GNA12: variants seen among roughly 807,000 people sequenced by gnomAD.
The protein encoded by GNA12 is guanine nucleotide-binding protein subunit alpha-12.
Under a neutral mutation model 26.0 loss-of-function variants are expected in GNA12, and 9 were observed. That is an observed-to-expected ratio of 0.35 (90% confidence interval 0.21 to 0.60). The LOEUF (loss-of-function observed/expected upper bound fraction) is 0.60. Among genes scored for constraint, GNA12 ranks in the 20% least tolerant of loss-of-function variants. GNA12 has a pLI of 0.78. For missense variants in GNA12, 405 were observed against 525.8 expected, an observed-to-expected ratio of 0.77 and a Z score of 2.25; for synonymous variants, 264 against 219.6, an observed-to-expected ratio of 1.20 and a Z score of -1.79.
intron 2 of GNA12, among the ~76,000 whole-genome samples, chr7:2,737,760 T>A (rs138465798): frequency 2.0e-5 from 3 of 152,396 alleles, no homozygotes; most frequent in East Asian, 3.9e-4. Context: ...CTGCTGTGTA[T>A]GAAAAGTAAC....
intron 2 of GNA12, among the ~76,000 whole-genome samples, chr7:2,753,903 G>A (rs1305969852): frequency 1.3e-5 from 2 of 152,068 alleles, no homozygotes; most frequent in African/African-American, 4.8e-5. Context: ...TCTCAATGTG[G>A]CAGGGAGAGC....
intron 2 of GNA12, among the ~76,000 whole-genome samples, chr7:2,733,754 G>A (rs1046729729): frequency 6.6e-6 from 1 of 152,260 alleles, no homozygotes; most frequent in Non-Finnish European, 1.5e-5. Flanking sequence ...TCGCTGCTGG[G>A]TTTTGGTGTG....
rs371474667 is a variant in GNA12, at chr7:2,731,616, C to A, written c.711G>T (p.Lys237Asn). ...DVGGQRSQRQ[K>N]WFQCFDGITS... Reference sequence around the variant, plus strand: ...TGATCCCGTCGAAGCACTGGAACCACTTCTGGCGCTGGGACCGCTGGCCGC... The same window carrying A: ...TGATCCCGTCGAAGCACTGGAACCAATTCTGGCGCTGGGACCGCTGGCCGC... The change falls in exon 4 of 4, where the codon AAG (lysine) becomes AAT (asparagine). Residue 237 changes from lysine (K) to asparagine (N), a missense_variant. Lys to Asn is a moderately conservative substitution (Grantham distance 94). Coordinates refer to ENST00000275364, the MANE Select transcript of GNA12 (RefSeq NM_007353.3). This position sits in a 1 kb window ranked among gnomAD's most constrained non-coding sequence, Gnocchi z 6.0. 1.9e-6 allele frequency: 3 copies of A among 1,613,868 alleles called. No individual in the cohort carries two copies. Among genetic ancestry groups the A allele is most frequent in the East Asian group, 2.2e-5 (1 of 44,880 alleles).
At chr7:2,826,005 G>C (rs1180195747) in intron 1 of GNA12, among the ~76,000 whole-genome samples, 3 of 152,090 alleles carry the variant, frequency 2.0e-5, no homozygotes. Flanking sequence ...TGGTAGCCAG[G>C]AAGTGGAGCA....
chr7:2,814,512 T>G, intron 1 of GNA12: 1 of 714,892 alleles, frequency 1.4e-6, no homozygotes, highest in Admixed American at 2.3e-5. Context: ...ACCAAGACTT[T>G]GAGGAAATTT....
At chr7:2,739,177 GA>G (rs1395167573) in intron 2 of GNA12, among the ~76,000 whole-genome samples, 2 of 152,234 alleles carry the variant, frequency 1.3e-5, no homozygotes, top group Non-Finnish European at 2.9e-5. Flanking sequence ...CATTAGGTAA[GA>G]TCTACATAAT....
intron 2 of GNA12, among the ~76,000 whole-genome samples, chr7:2,742,788 G>A (rs1790575963): frequency 6.6e-6 from 1 of 152,110 alleles, no homozygotes; most frequent in Non-Finnish European, 1.5e-5. Flanking sequence ...ATCTTTTATG[G>A]TGCTTCTTAA....
intron 1 of GNA12, among the ~76,000 whole-genome samples, chr7:2,830,101 G>A (rs949687861): frequency 6.6e-6 from 1 of 152,078 alleles, no homozygotes; most frequent in African/African-American, 2.4e-5. Context: ...ACTTTTCCCC[G>A]GCTTCTATTC....
chr7:2,735,041 C>CG (rs1554254482), intron 2 of GNA12, among the ~76,000 whole-genome samples: 1 of 152,196 alleles, frequency 6.6e-6, no homozygotes, highest in Non-Finnish European at 1.5e-5. Context: ...CAAGTCCCCC[C>CG]GGTCCTCTGC....
chr7:2,836,173 G>A (rs1778832600), intron 1 of GNA12, among the ~76,000 whole-genome samples: 1 of 152,218 alleles, frequency 6.6e-6, no homozygotes, highest in Admixed American at 6.5e-5. Flanking sequence ...AGGATAGAGT[G>A]AGGTAATGAA....
At chr7:2,822,790 C>T (rs915953510) in intron 1 of GNA12, among the ~76,000 whole-genome samples, 15 of 152,212 alleles carry the variant, frequency 9.9e-5, no homozygotes, top group South Asian at 4.1e-4. Flanking sequence ...CCAGCCTGGG[C>T]GACAGAGTAA....
intron 2 of GNA12, among the ~76,000 whole-genome samples, chr7:2,793,232 CAA>C (rs1339049642): frequency 6.6e-6 from 1 of 152,068 alleles, no homozygotes; most frequent in East Asian, 1.9e-4. Context: ...CAAGGGGACA[CAA>C]TGACTAAACA....
intron 2 of GNA12, among the ~76,000 whole-genome samples, chr7:2,743,977 T>A (rs761393453): frequency 6.6e-6 from 1 of 151,486 alleles, no homozygotes; most frequent in Non-Finnish European, 1.5e-5. Context: ...GGGGGAGGGG[T>A]ACCCACCATT....
chr7:2,757,320 G>C (rs917030040), intron 2 of GNA12, among the ~76,000 whole-genome samples: 4 of 151,742 alleles, frequency 2.6e-5, no homozygotes, highest in South Asian at 2.1e-4. Context: ...AGTTTTAGTA[G>C]AGACAGGGTT....
Position 2,844,028 on chromosome 7 carries a change from G to A in GNA12, c.134C>T (p.Ala45Val), listed in dbSNP as rs775373263. The change falls in exon 1 of 4, where the codon GCG becomes GTG. Residue 45 changes from alanine to valine, a missense_variant. Coordinates refer to ENST00000275364, the MANE Select transcript of GNA12 (RefSeq NM_007353.3). ...EARRRSRDIDALLARERRAVR... is the reference protein window; with the variant it reads ...EARRRSRDIDVLLARERRAVR... ...CGCGCGCCGCTCGCGGGCCAGCAGC[G>A]CGTCGATGTCGCGGCTACGCCTCCG... 2.8e-6 allele frequency: 4 copies of A among 1,449,498 alleles called. No homozygotes were observed. Among genetic ancestry groups the A allele is most frequent in the South Asian group, 2.7e-5 (2 of 73,514 alleles). The allele number at this position is 1,449,498 out of a possible 1,614,324, so 89.8% of individuals were successfully genotyped here. A position where few individuals can be genotyped will look rare whatever the true frequency, so the allele number is the denominator to read the frequency against.
intron 1 of GNA12, among the ~76,000 whole-genome samples, chr7:2,799,353 G>A (rs1213966463): frequency 6.6e-6 from 1 of 152,192 alleles, no homozygotes; most frequent in Non-Finnish European, 1.5e-5. Context: ...GCTGAGGGGA[G>A]AGGATCACTT....
chr7:2,785,224 A>G (rs1239575073), intron 2 of GNA12, among the ~76,000 whole-genome samples: 1 of 152,120 alleles, frequency 6.6e-6, no homozygotes, highest in Non-Finnish European at 1.5e-5. Flanking sequence ...CAAGTGTCCC[A>G]CCCGCTCCAG....
intron 2 of GNA12, among the ~76,000 whole-genome samples, chr7:2,766,558 G>A (rs899702621): frequency 2.0e-5 from 3 of 151,908 alleles, no homozygotes; most frequent in Non-Finnish European, 4.4e-5. Flanking sequence ...GCTAATTTTT[G>A]TATTTTAAAT....
intron 1 of GNA12, among the ~76,000 whole-genome samples, chr7:2,834,422 G>A (rs1421250184): frequency 1.3e-5 from 2 of 152,238 alleles, no homozygotes; most frequent in East Asian, 3.8e-4. Flanking sequence ...CACGCTGTAT[G>A]TTAAAGTTAC....
Sources: allele counts gnomAD v4.1 joint callset (sites outside exome capture counted in the v4.1 genomes callset), GRCh38; gene constraint gnomAD v4.1.1; non-coding constraint Gnocchi (gnomAD v3.1); transcripts MANE v1.5; gene names NCBI Gene and HGNC (gene_info 2026-07-23, HGNC 2026-07-21).